The following HMGCLL1 variants were observed in gnomAD, a reference collection of about 807,000 sequenced individuals.
HMGCLL1 encodes the protein 3-hydroxymethyl-3-methylglutaryl-CoA lyase, cytoplasmic.
HMGCLL1 carries 36 observed loss-of-function variants against 39.1 expected under a neutral mutation model. The observed-to-expected ratio is 0.92, with a 90% confidence interval of 0.71 to 1.22. HMGCLL1 has a LOEUF of 1.22. Among genes scored for constraint, HMGCLL1 ranks in the 50% most tolerant of loss-of-function variants. HMGCLL1 has a pLI of 0.00. For synonymous variants in HMGCLL1, 149 were observed against 144.0 expected, an observed-to-expected ratio of 1.03 and a Z score of -0.25; for missense variants, 451 against 416.5, an observed-to-expected ratio of 1.08 and a Z score of -0.72.
At chr6:55,601,497 C>A in the HMGCLL1 span, among the ~76,000 whole-genome samples, 1 of 152,262 alleles carries the variant, frequency 6.6e-6, no homozygotes, top group Non-Finnish European at 1.5e-5. Flanking sequence ...ATTCTATTAA[C>A]CAAAACAAGT....
intron 1 of HMGCLL1, among the ~76,000 whole-genome samples, chr6:55,575,046 C>T (rs1413552656): frequency 4.0e-5 from 6 of 151,882 alleles, no homozygotes; most frequent in Non-Finnish European, 7.4e-5. Context: ...TTAGTTATTG[C>T]TTAAGGAACA....
the HMGCLL1 span, among the ~76,000 whole-genome samples, chr6:55,622,520 A>T: frequency 6.6e-6 from 1 of 152,084 alleles, no homozygotes; most frequent in Admixed American, 6.6e-5. Context: ...GTATCAGTTG[A>T]GATGATCATA....
chr6:55,591,771 A>T, the HMGCLL1 span, among the ~76,000 whole-genome samples: 1 of 151,716 alleles, frequency 6.6e-6, no homozygotes, highest in Non-Finnish European at 1.5e-5. Flanking sequence ...TCTCTAAAGA[A>T]TTCATTAAAA....
chr6:55,537,349 T>C (rs9296794), intron 3 of HMGCLL1, among the ~76,000 whole-genome samples: 1,914 of 152,178 alleles, frequency 0.013, 34 homozygotes, highest in African/African-American at 0.043. Context: ...ACTTAAAAAA[T>C]TGGAATGTAT....
chr6:55,487,501 G>A (rs1231251140), intron 7 of HMGCLL1, among the ~76,000 whole-genome samples: 1 of 151,718 alleles, frequency 6.6e-6, no homozygotes, highest in African/African-American at 2.4e-5. Context: ...CTGTGTCCAT[G>A]TGTTCTCATT....
intron 6 of HMGCLL1, among the ~76,000 whole-genome samples, chr6:55,498,023 G>A (rs1019369883): frequency 6.6e-6 from 1 of 152,072 alleles, no homozygotes; most frequent in Non-Finnish European, 1.5e-5. Context: ...CACACAAAAG[G>A]CCCCTTTAAA....
chr6:55,624,914 G>A, the HMGCLL1 span, among the ~76,000 whole-genome samples: 3 of 152,192 alleles, frequency 2.0e-5, no homozygotes, highest in South Asian at 6.2e-4. Flanking sequence ...TGACCTGAAA[G>A]GCTGCCAATT....
At chr6:55,478,841 G>A (rs1765588332) in intron 7 of HMGCLL1, among the ~76,000 whole-genome samples, 1 of 147,664 alleles carries the variant, frequency 6.8e-6, no homozygotes. Flanking sequence ...GATTGGATGA[G>A]AATTTCACAT....
upstream of HMGCLL1, among the ~76,000 whole-genome samples, chr6:55,583,682 A>G (rs1182921289): frequency 6.6e-6 from 1 of 152,272 alleles, no homozygotes; most frequent in East Asian, 1.9e-4. Context: ...TTATAGCAGC[A>G]TGATTTATAG....
intron 1 of HMGCLL1, among the ~76,000 whole-genome samples, chr6:55,553,178 T>TACACACATAC (rs1304305102): frequency 6.5e-5 from 2 of 30,596 alleles, no homozygotes; most frequent in African/African-American, 1.3e-4. Context: ...TATATATACA[T>TACACACATAC]ACACACACAC....
upstream of HMGCLL1, among the ~76,000 whole-genome samples, chr6:55,581,193 G>GA (rs1204895862): frequency 1.3e-5 from 2 of 151,268 alleles, no homozygotes; most frequent in African/African-American, 2.4e-5. Context: ...AACATTTAGG[G>GA]AAAAAAAAAT....
At chr6:55,511,642 A>C (rs1297533743) in intron 5 of HMGCLL1, among the ~76,000 whole-genome samples, 1 of 152,120 alleles carries the variant, frequency 6.6e-6, no homozygotes, top group Non-Finnish European at 1.5e-5. Flanking sequence ...TGAAGCATCT[A>C]CTGCAGTTTC....
the HMGCLL1 span, among the ~76,000 whole-genome samples, chr6:55,605,013 G>A: frequency 7.2e-5 from 11 of 152,144 alleles, no homozygotes; most frequent in Non-Finnish European, 1.0e-4. Flanking sequence ...TGCTATGCAC[G>A]GTAAACATGG....
chr6:55,556,072 A>C (rs1448009795), intron 1 of HMGCLL1, among the ~76,000 whole-genome samples: 1 of 152,150 alleles, frequency 6.6e-6, no homozygotes. Flanking sequence ...AGCAGCATCA[A>C]CTTACCTGTG....
upstream of HMGCLL1, among the ~76,000 whole-genome samples, chr6:55,581,191 G>A (rs1478955749): frequency 6.8e-6 from 1 of 147,556 alleles, no homozygotes; most frequent in Admixed American, 6.7e-5. Context: ...AGAACATTTA[G>A]GGAAAAAAAA....
the HMGCLL1 span, among the ~76,000 whole-genome samples, chr6:55,618,147 A>G: frequency 6.6e-6 from 1 of 152,100 alleles, no homozygotes; most frequent in Non-Finnish European, 1.5e-5. Context: ...TATAATAAAA[A>G]TCAGGATAAT....
the HMGCLL1 span, among the ~76,000 whole-genome samples, chr6:55,608,768 G>A: frequency 6.6e-6 from 1 of 152,202 alleles, no homozygotes; most frequent in East Asian, 1.9e-4. Flanking sequence ...ACATTGAAAA[G>A]CACGAATACT....
At chr6:55,634,814 A>G in the HMGCLL1 span, among the ~76,000 whole-genome samples, 2 of 152,238 alleles carry the variant, frequency 1.3e-5, no homozygotes, top group East Asian at 3.9e-4. Context: ...TTTGCTCACT[A>G]TTTAATTGGG....
the HMGCLL1 span, among the ~76,000 whole-genome samples, chr6:55,674,820 T>C: frequency 6.6e-6 from 1 of 152,042 alleles, no homozygotes; most frequent in African/African-American, 2.4e-5. Flanking sequence ...CCAACAGCTG[T>C]TCTCTTTTTC....
Sources: gnomAD v4.1 joint callset for allele counts (sites outside exome capture counted in the v4.1 genomes callset) on GRCh38, gnomAD v4.1.1 for gene constraint, MANE v1.5 for transcripts, NCBI Gene and HGNC (gene_info 2026-07-23, HGNC 2026-07-21) for gene names.